The following LRRC37A variants were observed in gnomAD, a reference collection of about 807,000 sequenced individuals.
LRRC37A encodes leucine rich repeat containing 37A.
Under a neutral mutation model 35.4 loss-of-function variants are expected in LRRC37A, and 3 were observed. The ratio of observed to expected loss-of-function variants is 0.08; its 90% confidence interval spans 0.04 to 0.22. The LOEUF is 0.22. Among genes scored for constraint, LRRC37A ranks in the 10% least tolerant of loss-of-function variants. The pLI, the probability that LRRC37A is intolerant of heterozygous loss-of-function variation, is 1.00. For missense variants in LRRC37A, 67 were observed against 565.3 expected, an observed-to-expected ratio of 0.12 and a Z score of 8.94; for synonymous variants, 23 against 215.0, an observed-to-expected ratio of 0.11 and a Z score of 7.81.
the LRRC37A span, chr17:46,266,954 C>T: frequency 6.4e-6 from 1 of 155,698 alleles, no homozygotes; most frequent in Admixed American, 6.6e-5. Context: ...CGCCGAGGGC[C>T]CCGCCGGCCC....
chr17:46,261,070 G>A, the LRRC37A span, among the ~76,000 whole-genome samples: 2 of 152,208 alleles, frequency 1.3e-5, no homozygotes, highest in African/African-American at 4.8e-5. Flanking sequence ...GAAAGGATGG[G>A]AAGGGGGTGA....
the LRRC37A span, among the ~76,000 whole-genome samples, chr17:46,249,259 T>A: frequency 6.6e-6 from 1 of 152,208 alleles, no homozygotes; most frequent in African/African-American, 2.4e-5. Context: ...CCAGATGTGG[T>A]GGCACACACC....
At chr17:46,251,191 G>A in the LRRC37A span, among the ~76,000 whole-genome samples, 1 of 152,012 alleles carries the variant, frequency 6.6e-6, no homozygotes, top group Non-Finnish European at 1.5e-5. Flanking sequence ...TTCTCAACTG[G>A]GCCAATTTTG....
At chr17:46,276,790 C>CTTTTCTTTT in the LRRC37A span, among the ~76,000 whole-genome samples, 26 of 134,232 alleles carry the variant, frequency 1.9e-4, no homozygotes, top group Non-Finnish European at 3.2e-4. Flanking sequence ...TTCTTTTTTT[C>CTTTTCTTTT]TTTTTTTTTT....
At chr17:46,264,261 G>A in the LRRC37A span, among the ~76,000 whole-genome samples, 1 of 151,824 alleles carries the variant, frequency 6.6e-6, no homozygotes, top group Non-Finnish European at 1.5e-5. Context: ...ACTGAGCCTG[G>A]CCTACAAATT....
chr17:46,263,751 G>T, the LRRC37A span, among the ~76,000 whole-genome samples: 29 of 151,926 alleles, frequency 1.9e-4, no homozygotes, highest in African/African-American at 7.0e-4. Flanking sequence ...CTACCTGGGA[G>T]GCTGAGGCAG....
chr17:46,289,906 G>A (rs1174199943), upstream of LRRC37A, among the ~76,000 whole-genome samples: 9 of 152,180 alleles, frequency 5.9e-5, no homozygotes, highest in African/African-American at 1.9e-4. Context: ...GATCACTTGC[G>A]TCCAGGAGCT....
the LRRC37A span, among the ~76,000 whole-genome samples, chr17:46,262,314 G>A: frequency 6.6e-6 from 1 of 152,208 alleles, no homozygotes; most frequent in Non-Finnish European, 1.5e-5. Flanking sequence ...CATTATAGGC[G>A]TGAGCCACTG....
upstream of LRRC37A, among the ~76,000 whole-genome samples, chr17:46,292,331 C>T (rs1347356530): frequency 1.4e-5 from 1 of 69,268 alleles, no homozygotes; most frequent in African/African-American, 3.7e-5. Context: ...GACACTCTCT[C>T]GAGGAAAAAA....
chr17:46,332,768 A>G (rs2052056344), intron 10 of LRRC37A, 112 bp downstream of exon 10: 1 of 410,834 alleles, frequency 2.4e-6, no homozygotes, highest in Non-Finnish European at 4.7e-6. Flanking sequence ...TACTTGACAT[A>G]CTTCTTCAGT....
chr17:46,253,244 G>T, the LRRC37A span, among the ~76,000 whole-genome samples: 4 of 146,014 alleles, frequency 2.7e-5, no homozygotes, highest in African/African-American at 1.0e-4. Flanking sequence ...GCCGGGCAGA[G>T]ACGCTCCTCA....
the LRRC37A span, among the ~76,000 whole-genome samples, chr17:46,254,602 C>T: frequency 3.3e-5 from 5 of 150,620 alleles, no homozygotes; most frequent in South Asian, 2.1e-4. Flanking sequence ...AGTGCAGTGG[C>T]GCGGTCTTGG....
chr17:46,288,706 C>CTTTTTTTTTT (rs199591277), upstream of LRRC37A, among the ~76,000 whole-genome samples: 2,185 of 129,844 alleles, frequency 0.017, no homozygotes, highest in Non-Finnish European at 0.027. Flanking sequence ...CTTGTTTTTT[C>CTTTTTTTTTT]TTTTTTTTTT....
the LRRC37A span, among the ~76,000 whole-genome samples, chr17:46,263,866 A>AAG: frequency 6.6e-6 from 1 of 151,214 alleles, no homozygotes; most frequent in East Asian, 2.0e-4. Flanking sequence ...AAAAAAAAAA[A>AAG]AAAAAAAAGA....
the LRRC37A span, among the ~76,000 whole-genome samples, chr17:46,262,459 C>T: frequency 6.6e-6 from 1 of 151,840 alleles, no homozygotes; most frequent in Non-Finnish European, 1.5e-5. Flanking sequence ...GCTATCTGCT[C>T]GCTTCAGCTT....
At chr17:46,264,261 G>T in the LRRC37A span, among the ~76,000 whole-genome samples, 19,426 of 151,690 alleles carry the variant, frequency 0.13, no homozygotes, top group Middle Eastern at 0.2. Context: ...ACTGAGCCTG[G>T]CCTACAAATT....
upstream of LRRC37A, chr17:46,294,114 G>A (rs988292364): frequency 3.3e-5 from 3 of 91,716 alleles, no homozygotes; most frequent in African/African-American, 9.0e-5. Flanking sequence ...TCGAACTTCT[G>A]ACCTCAGTGA....
At chr17:46,273,813 A>G in the LRRC37A span, among the ~76,000 whole-genome samples, 2 of 152,258 alleles carry the variant, frequency 1.3e-5, no homozygotes, top group African/African-American at 4.8e-5. Flanking sequence ...ACAAACCAAC[A>G]AGCAAAAAAC....
the LRRC37A span, among the ~76,000 whole-genome samples, chr17:46,249,655 C>T: frequency 2.0e-5 from 3 of 152,084 alleles, no homozygotes; most frequent in Non-Finnish European, 2.9e-5. Flanking sequence ...GGGGAGGGGG[C>T]GCCCACTAAA....
Sources: gnomAD v4.1 joint callset for allele counts (sites outside exome capture counted in the v4.1 genomes callset) on GRCh38, gnomAD v4.1.1 for gene constraint, MANE v1.5 for transcripts, NCBI Gene and HGNC (gene_info 2026-07-23, HGNC 2026-07-21) for gene names.